The following NRXN3 variants were observed in gnomAD, a reference collection of about 807,000 sequenced individuals.
NRXN3 encodes neurexin III.
A neutral mutation model predicts 137.6 loss-of-function variants in NRXN3; 32 were observed. The observed-to-expected ratio is 0.23, with a 90% CI of 0.18 to 0.31. The LOEUF (loss-of-function observed/expected upper bound fraction) is 0.31, where lower values mean the gene tolerates loss of function less well. NRXN3 is among the 10% of genes least tolerant of loss of function. The pLI, the probability that NRXN3 is intolerant of heterozygous loss-of-function variation, is 1.00. For missense variants in NRXN3, 1,574 were observed against 2,062.5 expected (o/e 0.76, Z 4.59); for synonymous variants, 798 against 784.5 (o/e 1.02, Z -0.29).
intron 15 of NRXN3, among the ~76,000 whole-genome samples, chr14:79,237,955 G>A (rs2073683822): frequency 1.3e-5 from 2 of 152,094 alleles, no homozygotes; most frequent in African/African-American, 4.8e-5. Context: ...ATAATGCTCT[G>A]AAAATAATCA....
chr14:79,234,345 T>G (rs1221675938), intron 15 of NRXN3, among the ~76,000 whole-genome samples: 1 of 106,316 alleles, frequency 9.4e-6, no homozygotes. Context: ...TATATAATAT[T>G]TATATATATA....
chr14:79,354,715 C>T (rs865899909), intron 15 of NRXN3, among the ~76,000 whole-genome samples: 11 of 152,260 alleles, frequency 7.2e-5, no homozygotes, highest in Admixed American at 2.0e-4. Context: ...TGTTAAAATA[C>T]CGGAAGGATA....
chr14:78,424,707 C>T (rs987696760), intron 4 of NRXN3, among the ~76,000 whole-genome samples: 20 of 152,288 alleles, frequency 1.3e-4, no homozygotes, highest in African/African-American at 4.6e-4. Flanking sequence ...GAGTTTGAAT[C>T]TCTGGGTTGA....
intron 10 of NRXN3, among the ~76,000 whole-genome samples, chr14:78,895,638 C>G (rs2099171285): frequency 6.6e-6 from 1 of 151,906 alleles, no homozygotes; most frequent in African/African-American, 2.4e-5. Flanking sequence ...CTGTTTGGCA[C>G]AAGAAGCCTA....
chr14:79,443,340 C>T (rs377299136), intron 15 of NRXN3, among the ~76,000 whole-genome samples: 2 of 152,036 alleles, frequency 1.3e-5, no homozygotes, highest in Admixed American at 1.3e-4. Context: ...CTCATTTTCT[C>T]TTTTTTTTCC....
Position 78,957,232 on chromosome 14 carries a change from C to T in NRXN3, c.2276-10C>T, listed in dbSNP as rs2099398533. ...TTGATTCTAACTTTGGCACTTACTACCATCCTTAGGCAAAGGACCAGAGAC... is the reference window on the plus strand; with the variant it reads ...TTGATTCTAACTTTGGCACTTACTATCATCCTTAGGCAAAGGACCAGAGAC... On this transcript the variant is annotated splice_polypyrimidine_tract_variant and intron_variant, in intron 10 of 20. Coordinates refer to ENST00000335750, the MANE Select transcript of NRXN3 (RefSeq NM_001330195.2). The T allele has an allele frequency of 1.2e-6, 2 of 1,613,022 alleles. No individual in the cohort carries two copies. Among genetic ancestry groups the T allele is most frequent in the Admixed American group, 1.7e-5 (1 of 59,866 alleles).
intron 4 of NRXN3, among the ~76,000 whole-genome samples, chr14:78,410,504 A>C (rs886323405): frequency 6.6e-6 from 1 of 152,166 alleles, no homozygotes; most frequent in African/African-American, 2.4e-5. Context: ...AATGGCCCTT[A>C]AGTTTCTTAA....
At chr14:78,261,656 C>T (rs753677311) in intron 2 of NRXN3, among the ~76,000 whole-genome samples, 1 of 152,150 alleles carries the variant, frequency 6.6e-6, no homozygotes, top group Admixed American at 6.5e-5. Flanking sequence ...CCAACTCATG[C>T]ATTTTATTGC....
intron 15 of NRXN3, among the ~76,000 whole-genome samples, chr14:79,070,907 T>C (rs575789892): frequency 8.5e-5 from 13 of 152,298 alleles, no homozygotes; most frequent in African/African-American, 3.1e-4. Flanking sequence ...GATTCTGGGA[T>C]GGAGCAAACA....
chr14:78,872,175 A>C (rs2099102922), intron 10 of NRXN3, among the ~76,000 whole-genome samples: 1 of 150,620 alleles, frequency 6.6e-6, no homozygotes, highest in South Asian at 2.1e-4. Flanking sequence ...TTTATTTTAT[A>C]AATATCCTCA....
intron 15 of NRXN3, among the ~76,000 whole-genome samples, chr14:79,234,148 T>C (rs1368585887): frequency 2.0e-5 from 3 of 150,768 alleles, no homozygotes; most frequent in East Asian, 2.0e-4. Flanking sequence ...CAGCCCAGCA[T>C]TGGATATGTT....
At chr14:79,585,289 T>G (rs897509726) in intron 16 of NRXN3, among the ~76,000 whole-genome samples, 1 of 152,154 alleles carries the variant, frequency 6.6e-6, no homozygotes, top group African/African-American at 2.4e-5. Flanking sequence ...CCTGCCAGAC[T>G]TCTGAGGGAG....
At chr14:79,669,613 A>C (rs2098594915) in intron 17 of NRXN3, among the ~76,000 whole-genome samples, 1 of 152,092 alleles carries the variant, frequency 6.6e-6, no homozygotes, top group African/African-American at 2.4e-5. Flanking sequence ...TGTGTAAAGC[A>C]ATGGTCTGCA....
At chr14:79,030,782 T>C (rs1476495740) in intron 15 of NRXN3, among the ~76,000 whole-genome samples, 1 of 151,972 alleles carries the variant, frequency 6.6e-6, no homozygotes, top group Non-Finnish European at 1.5e-5. Flanking sequence ...ATCAATATCT[T>C]ACTACCTAGA....
chr14:79,221,233 T>C (rs2069604862), intron 15 of NRXN3, among the ~76,000 whole-genome samples: 1 of 152,212 alleles, frequency 6.6e-6, no homozygotes, highest in Admixed American at 6.5e-5. Flanking sequence ...TGTATCTTTA[T>C]AGTAGAATCA....
intron 4 of NRXN3, among the ~76,000 whole-genome samples, chr14:78,592,277 T>C (rs2097124213): frequency 6.6e-6 from 1 of 152,180 alleles, no homozygotes; most frequent in Non-Finnish European, 1.5e-5. Flanking sequence ...CAGTTCATCT[T>C]GTACAATTCT....
At chr14:79,685,516 G>A (rs541336243) in intron 17 of NRXN3, among the ~76,000 whole-genome samples, 2 of 152,292 alleles carry the variant, frequency 1.3e-5, no homozygotes, top group Middle Eastern at 3.4e-3. Flanking sequence ...TTTGAGAGGG[G>A]CTCTTAAATA....
At chr14:79,782,694 C>T (rs2099117593) in intron 19 of NRXN3, among the ~76,000 whole-genome samples, 1 of 152,072 alleles carries the variant, frequency 6.6e-6, no homozygotes, top group South Asian at 2.1e-4. Flanking sequence ...CAAAATGCTG[C>T]CTAGGAGTGC....
At chr14:79,348,023 T>G (rs905865336) in intron 15 of NRXN3, among the ~76,000 whole-genome samples, 5 of 152,306 alleles carry the variant, frequency 3.3e-5, no homozygotes, top group African/African-American at 1.2e-4. Flanking sequence ...CATGGCTTTT[T>G]AAGCTTTACA....
Sources: allele counts gnomAD v4.1 joint callset (sites outside exome capture counted in the v4.1 genomes callset), GRCh38; gene constraint gnomAD v4.1.1; transcripts MANE v1.5; gene names NCBI Gene and HGNC (gene_info 2026-07-23, HGNC 2026-07-21).